The following ASTN2 variants were observed in gnomAD, a reference collection of about 807,000 sequenced individuals.
ASTN2 encodes astrotactin-2.
A neutral mutation model predicts 139.8 loss-of-function variants in ASTN2; 54 were observed. The ratio of observed to expected loss-of-function variants is 0.39; its 90% CI spans 0.31 to 0.48. ASTN2 has a LOEUF of 0.48. Ranked by LOEUF, ASTN2 falls within the 20% of genes least tolerant of loss-of-function variation. ASTN2 has a pLI of 0.95. For missense variants in ASTN2, 1,565 were observed against 1,725.1 expected (o/e 0.91, Z 1.64); for synonymous variants, 756 against 719.5 (o/e 1.05, Z -0.81).
intron 11 of ASTN2, among the ~76,000 whole-genome samples, chr9:116,848,312 G>A (rs1832501644): frequency 6.6e-6 from 1 of 152,102 alleles, no homozygotes; most frequent in African/African-American, 2.4e-5. Context: ...ACAGAGCCGA[G>A]GGAATTTTGC....
At chr9:117,074,013 C>A (rs1034142047) in intron 5 of ASTN2, among the ~76,000 whole-genome samples, 5 of 151,782 alleles carry the variant, frequency 3.3e-5, no homozygotes, top group African/African-American at 9.7e-5. Flanking sequence ...CAAGCCCAGG[C>A]GATGGCCATT....
chr9:116,854,927 C>T (rs1832699898), intron 11 of ASTN2, among the ~76,000 whole-genome samples: 1 of 151,956 alleles, frequency 6.6e-6, no homozygotes, highest in Non-Finnish European at 1.5e-5. Context: ...GCTAGGATTA[C>T]AGGTTTGAGC....
At chr9:116,765,993 A>G (rs1829796335) in intron 13 of ASTN2, among the ~76,000 whole-genome samples, 1 of 152,138 alleles carries the variant, frequency 6.6e-6, no homozygotes, top group Non-Finnish European at 1.5e-5. Context: ...TTCTCTTTCA[A>G]TACTGAGTGA....
chr9:117,325,012 G>A (rs1280224537), intron 1 of ASTN2, among the ~76,000 whole-genome samples: 2 of 152,160 alleles, frequency 1.3e-5, no homozygotes, highest in Non-Finnish European at 2.9e-5. Context: ...TCTGAGAGGC[G>A]GTGATGGGTC....
chr9:116,633,267 T>G (rs1179582638), intron 17 of ASTN2, among the ~76,000 whole-genome samples: 1 of 152,230 alleles, frequency 6.6e-6, no homozygotes, highest in East Asian at 1.9e-4. Flanking sequence ...CCAAGGCATC[T>G]TGCTCTGTGA....
intron 20 of ASTN2, among the ~76,000 whole-genome samples, chr9:116,445,151 G>T (rs1847948837): frequency 6.6e-6 from 1 of 152,066 alleles, no homozygotes; most frequent in African/African-American, 2.4e-5. Flanking sequence ...GCACACAGTA[G>T]GCACTTGACA....
At chr9:117,060,331 AAAG>A (rs1839210223) in intron 5 of ASTN2, among the ~76,000 whole-genome samples, 2 of 77,888 alleles carry the variant, frequency 2.6e-5, no homozygotes, top group Non-Finnish European at 4.8e-5. Context: ...AGAAAGAAAG[AAAG>A]AAAGAAAGAG....
chr9:116,568,414 C>T (rs966235299), intron 19 of ASTN2: 2 of 151,912 alleles, frequency 1.3e-5, no homozygotes, highest in East Asian at 1.9e-4. Flanking sequence ...CCAAGAAAAG[C>T]GAGGGAGAAA....
At chr9:116,709,918 A>G (rs935000681) in intron 16 of ASTN2, among the ~76,000 whole-genome samples, 1 of 152,218 alleles carries the variant, frequency 6.6e-6, no homozygotes, top group Non-Finnish European at 1.5e-5. Context: ...AACAAGTTCA[A>G]GTTCAATTAA....
In ASTN2 at chr9:117,190,621, C is replaced by T. The variant is rs920891549; in HGVS notation, c.1015+23737G>A. ...CTCTCTCTCTCAATGCTACTCCTCC[C>T]TATTCCTCTAGTGCTCCAATCACAC... On this transcript the variant is annotated intron_variant, in intron 3 of 22. Coordinates refer to ENST00000313400, the MANE Select transcript of ASTN2 (RefSeq NM_001365068.1). 3.3e-5 allele frequency among the ~76,000 whole-genome samples: 5 copies of T among 152,268 alleles called. No homozygotes were observed. The East Asian group carries it at 9.7e-4, about 29-fold the overall frequency.
intron 19 of ASTN2, chr9:116,583,578 T>C: frequency 6.9e-6 from 1 of 145,226 alleles, no homozygotes; most frequent in Non-Finnish European, 1.5e-5. Context: ...GATCCTTACC[T>C]TAAAAAAAAA....
intron 2 of ASTN2, among the ~76,000 whole-genome samples, chr9:117,280,393 G>A (rs897751775): frequency 2.0e-5 from 3 of 152,096 alleles, no homozygotes; most frequent in Non-Finnish European, 4.4e-5. Flanking sequence ...TTGGAAAAAA[G>A]GGTCTTTGCA....
chr9:117,320,481 G>A (rs1274915040), intron 1 of ASTN2, among the ~76,000 whole-genome samples: 1 of 152,130 alleles, frequency 6.6e-6, no homozygotes, highest in East Asian at 1.9e-4. Context: ...ATCATACTGA[G>A]GGGTAAGGAT....
chr9:116,527,286 AG>A (rs1189588287), intron 19 of ASTN2, among the ~76,000 whole-genome samples: 1 of 152,194 alleles, frequency 6.6e-6, no homozygotes, highest in East Asian at 1.9e-4. Context: ...ACATCTGATA[AG>A]GGGCTAATAT....
intron 19 of ASTN2, among the ~76,000 whole-genome samples, chr9:116,599,767 C>T (rs775816517): frequency 1.9e-4 from 29 of 152,186 alleles, no homozygotes; most frequent in Admixed American, 1.3e-4. Flanking sequence ...CAAAGTTCAT[C>T]AATAATGTCT....
chr9:117,174,570 C>T (rs1365405541), intron 3 of ASTN2, among the ~76,000 whole-genome samples: 2 of 151,856 alleles, frequency 1.3e-5, no homozygotes, highest in Non-Finnish European at 2.9e-5. Flanking sequence ...GCTGTGTAAA[C>T]CTCATGTTTT....
chr9:116,586,448 A>C (rs1231901102), intron 19 of ASTN2: 2 of 152,160 alleles, frequency 1.3e-5, no homozygotes, highest in Non-Finnish European at 2.9e-5. Context: ...ACACCACAGA[A>C]TACTACACAG....
chr9:116,463,835 TC>T (rs1334818530), intron 20 of ASTN2, among the ~76,000 whole-genome samples: 2 of 152,002 alleles, frequency 1.3e-5, no homozygotes, highest in Non-Finnish European at 2.9e-5. Context: ...GGCCTCAGGG[TC>T]TTGCAATCCT....
intron 3 of ASTN2, among the ~76,000 whole-genome samples, chr9:117,144,658 T>C (rs1830149643): frequency 1.6e-5 from 2 of 122,446 alleles, no homozygotes; most frequent in Admixed American, 9.6e-5. Flanking sequence ...GAGTGAACAC[T>C]AGTTTTTTTT....
Sources: allele counts gnomAD v4.1 joint callset (sites outside exome capture counted in the v4.1 genomes callset), GRCh38; gene constraint gnomAD v4.1.1; transcripts MANE v1.5; gene names NCBI Gene and HGNC (gene_info 2026-07-23, HGNC 2026-07-21).